Variants in EPHA6 observed in about 807,000 individuals in gnomAD.
EPHA6 encodes the protein ephrin type-A receptor 6.
Under a neutral mutation model 112.0 loss-of-function variants are expected in EPHA6, and 50 were observed. The observed-to-expected ratio is 0.45, with a 90% CI of 0.36 to 0.56. EPHA6 has a LOEUF of 0.56. Ranked by LOEUF, EPHA6 falls within the 20% of genes least tolerant of loss-of-function variation. The pLI is 0.00. For synonymous variants in EPHA6, 529 were observed against 490.7 expected (o/e 1.08, Z -1.03); for missense variants, 1,280 against 1,417.4 (o/e 0.90, Z 1.56).
intron 3 of EPHA6, among the ~76,000 whole-genome samples, chr3:97,017,482 C>T (rs918966903): frequency 3.9e-5 from 6 of 152,146 alleles, no homozygotes; most frequent in Admixed American, 1.3e-4. Flanking sequence ...AAGTCTCACC[C>T]GCACATGCTA....
chr3:97,225,288 C>T (rs772820551), intron 3 of EPHA6, among the ~76,000 whole-genome samples: 4 of 152,150 alleles, frequency 2.6e-5, no homozygotes, highest in Non-Finnish European at 4.4e-5. Flanking sequence ...CCTATCCTGT[C>T]GAATATATTC....
intron 14 of EPHA6, among the ~76,000 whole-genome samples, chr3:97,690,169 T>A (rs1459802552): frequency 6.6e-6 from 1 of 152,256 alleles, no homozygotes; most frequent in African/African-American, 2.4e-5. Context: ...TGCTGAGTCA[T>A]GGTGGAGTTA....
At chr3:97,308,697 A>T (rs1245899309) in intron 5 of EPHA6, among the ~76,000 whole-genome samples, 2 of 151,780 alleles carry the variant, frequency 1.3e-5, no homozygotes, top group African/African-American at 4.8e-5. Context: ...CTGCTACAGA[A>T]TTTATTTCGC....
chr3:97,588,918 T>C (rs1309862625), intron 11 of EPHA6, among the ~76,000 whole-genome samples: 2 of 152,200 alleles, frequency 1.3e-5, no homozygotes, highest in African/African-American at 4.8e-5. Flanking sequence ...GGAATACATG[T>C]GCGGGTTTGT....
chr3:97,349,407 C>T (rs941025369), intron 5 of EPHA6, among the ~76,000 whole-genome samples: 3 of 152,000 alleles, frequency 2.0e-5, no homozygotes, highest in African/African-American at 7.2e-5. Context: ...TCAGGCTAAT[C>T]AACAACTCCT....
At chr3:97,510,512 C>T (rs2092344646) in intron 10 of EPHA6, among the ~76,000 whole-genome samples, 1 of 152,154 alleles carries the variant, frequency 6.6e-6, no homozygotes, top group Non-Finnish European at 1.5e-5. Flanking sequence ...GTATCACCAG[C>T]GGAGGCTGCA....
intron 3 of EPHA6, among the ~76,000 whole-genome samples, chr3:97,013,332 A>G (rs2044155869): frequency 6.6e-6 from 1 of 152,076 alleles, no homozygotes; most frequent in Admixed American, 6.6e-5. Context: ...TTTAAATTAT[A>G]TTTTACTTAG....
At chr3:97,632,949 CTA>C (rs1197758662) in intron 13 of EPHA6, among the ~76,000 whole-genome samples, 4 of 152,056 alleles carry the variant, frequency 2.6e-5, no homozygotes, top group African/African-American at 7.2e-5. Context: ...CACTCAGATC[CTA>C]TGTTTGTCAT....
chr3:97,707,130 A>G (rs1193875213), intron 14 of EPHA6, among the ~76,000 whole-genome samples: 1 of 152,164 alleles, frequency 6.6e-6, no homozygotes, highest in Non-Finnish European at 1.5e-5. Context: ...CTAAAAAGGA[A>G]CTGAAAGTCA....
intron 3 of EPHA6, among the ~76,000 whole-genome samples, chr3:97,113,464 G>A (rs1289689309): frequency 1.3e-5 from 2 of 152,040 alleles, no homozygotes; most frequent in African/African-American, 4.8e-5. Context: ...GGCTCCTTTC[G>A]TCGACAAGTC....
In EPHA6 at chr3:97,637,791, AAATAT is replaced by A. The variant is rs2107557306; in HGVS notation, c.2575-79_2575-75del. 7.0e-6 allele frequency: 7 copies of A among 993,328 alleles called. 1 individual carries two copies. Among genetic ancestry groups the A allele is most frequent in the Middle Eastern group, 2.1e-4 (1 of 4,704 alleles). 61.5% of individuals were successfully genotyped at this position (993,328 alleles called of 1,614,324 possible). ...TTATCTTCATTTGATCCAATAAAAT[AAATAT>A]AAGGATCTTATTTAATACACACACG... On this transcript the variant is annotated intron_variant, in intron 13 of 17. Coordinates refer to ENST00000389672, the MANE Select transcript of EPHA6 (RefSeq NM_001080448.3).
intron 7 of EPHA6, chr3:97,466,302 T>C (rs2107416447): frequency 6.9e-7 from 1 of 1,455,516 alleles, no homozygotes; most frequent in African/African-American, 1.4e-5. Flanking sequence ...AGCAACATAA[T>C]AAACAATGAG....
rs531337775 is a variant in EPHA6, at chr3:97,757,691, CAT to C, written c.*8992_*8993del. Among the ~76,000 whole-genome samples, 76 of 151,924 alleles carry C rather than the reference CAT, an allele frequency of 5.0e-4. No individual in the cohort carries two copies. The highest frequency in any genetic ancestry group is 1.7e-3 in the African/African-American group (69 of 41,544). On this transcript the variant is annotated 3_prime_UTR_variant, in exon 18 of 18. Transcript: ENST00000389672. ...GTTAAGCAGTTATATTAATTTTACACATACTCTTAAATGCTTAAAAACATAGT... is the reference window on the plus strand; with the variant it reads ...GTTAAGCAGTTATATTAATTTTACACACTCTTAAATGCTTAAAAACATAGT...
chr3:97,434,378 T>TA (rs547441248), intron 6 of EPHA6, among the ~76,000 whole-genome samples: 261 of 152,090 alleles, frequency 1.7e-3, no homozygotes, highest in African/African-American at 6.0e-3. Context: ...GTGTTCATAT[T>TA]AAAAAAAAGT....
At chr3:97,197,574 CCTTT>C (rs1482420089) in intron 3 of EPHA6, among the ~76,000 whole-genome samples, 1 of 151,690 alleles carries the variant, frequency 6.6e-6, no homozygotes, top group Non-Finnish European at 1.5e-5. Flanking sequence ...TCTCCTTTCC[CCTTT>C]CTTTTTCTCA....
intron 1 of EPHA6, among the ~76,000 whole-genome samples, chr3:96,857,198 TA>T (rs1261822371): frequency 2.0e-5 from 3 of 152,190 alleles, no homozygotes; most frequent in Non-Finnish European, 2.9e-5. Flanking sequence ...GCCTAGATGT[TA>T]AAATGTCTTT....
intron 5 of EPHA6, among the ~76,000 whole-genome samples, chr3:97,343,613 C>T (rs2108867902): frequency 6.6e-6 from 1 of 152,110 alleles, no homozygotes; most frequent in East Asian, 1.9e-4. Context: ...GCCATCTCAC[C>T]AGAAGCCAAG....
intron 13 of EPHA6, among the ~76,000 whole-genome samples, chr3:97,621,202 AAC>A (rs2093811326): frequency 6.6e-6 from 1 of 152,016 alleles, no homozygotes; most frequent in Non-Finnish European, 1.5e-5. Context: ...TATAAGTGAG[AAC>A]TAAATGATGA....
chr3:97,341,857 A>G (rs1176989151), intron 5 of EPHA6, among the ~76,000 whole-genome samples: 1 of 152,178 alleles, frequency 6.6e-6, no homozygotes, highest in Admixed American at 6.6e-5. Context: ...GTTTTCCAAA[A>G]TACATTACTA....
Sources: gnomAD v4.1 joint callset for allele counts (sites outside exome capture counted in the v4.1 genomes callset) on GRCh38, gnomAD v4.1.1 for gene constraint, MANE v1.5 for transcripts, NCBI Gene and HGNC (gene_info 2026-07-23, HGNC 2026-07-21) for gene names.